KIF6: variants seen among roughly 807,000 people sequenced by gnomAD.
KIF6 encodes the protein kinesin family member 6.
Under a neutral mutation model 112.7 loss-of-function variants are expected in KIF6, and 106 were observed. The observed-to-expected ratio is 0.94, with a 90% confidence interval of 0.80 to 1.11. The LOEUF (loss-of-function observed/expected upper bound fraction) is 1.11. Among genes scored for constraint, KIF6 ranks in the 50% least tolerant of loss-of-function variants. KIF6 has a pLI of 0.00. For synonymous variants in KIF6, 339 were observed against 339.9 expected, an observed-to-expected ratio of 1.00 and a Z score of 0.03; for missense variants, 929 against 964.0, an observed-to-expected ratio of 0.96 and a Z score of 0.48.
At chr6:39,531,478 C>A (rs1424379419) in intron 13 of KIF6, among the ~76,000 whole-genome samples, 1 of 152,106 alleles carries the variant, frequency 6.6e-6, no homozygotes, top group Non-Finnish European at 1.5e-5. Flanking sequence ...ATATCTGAGG[C>A]CATTTCTGCA....
intron 15 of KIF6, among the ~76,000 whole-genome samples, chr6:39,419,316 T>C (rs1475081756): frequency 1.6e-5 from 2 of 127,686 alleles, no homozygotes; most frequent in African/African-American, 5.9e-5. Context: ...ATCACGCCAC[T>C]GCACTCCAGC....
At chr6:39,519,795 G>C (rs1777282306) in intron 13 of KIF6, among the ~76,000 whole-genome samples, 1 of 152,040 alleles carries the variant, frequency 6.6e-6, no homozygotes, top group Admixed American at 6.5e-5. Context: ...GCCAAGGCGG[G>C]TGGATCACCT....
chr6:39,377,612 G>A (rs1766554955), intron 16 of KIF6, among the ~76,000 whole-genome samples: 1 of 152,206 alleles, frequency 6.6e-6, no homozygotes, highest in Admixed American at 6.5e-5. Context: ...GCCGAGGCCT[G>A]TCTTTGAAGA....
At chr6:39,353,719 G>A in intron 19 of KIF6, 1 of 204,118 alleles carries the variant, frequency 4.9e-6, no homozygotes, top group Non-Finnish European at 1.0e-5. Context: ...ACCAGAATGT[G>A]AGGCAGTGAG....
chr6:39,516,153 G>A (rs1490693074), intron 13 of KIF6, among the ~76,000 whole-genome samples: 1 of 152,038 alleles, frequency 6.6e-6, no homozygotes, highest in African/African-American at 2.4e-5. Flanking sequence ...TAAGAGATAT[G>A]CAACCTGTGT....
At chr6:39,430,933 C>T in intron 14 of KIF6, 120 bp downstream of exon 14, 1 of 593,954 alleles carries the variant, frequency 1.7e-6, no homozygotes, top group Non-Finnish European at 3.0e-6. Flanking sequence ...ACTGAATAAA[C>T]ATTATGCTTT....
intron 14 of KIF6, among the ~76,000 whole-genome samples, chr6:39,423,546 C>T (rs1228858048): frequency 6.6e-6 from 1 of 152,038 alleles, no homozygotes; most frequent in African/African-American, 2.4e-5. Flanking sequence ...CAAATCTCCA[C>T]CTCAGCCCTG....
At chr6:39,652,677 A>T (rs993958055) in intron 3 of KIF6, among the ~76,000 whole-genome samples, 1 of 152,184 alleles carries the variant, frequency 6.6e-6, no homozygotes, top group Non-Finnish European at 1.5e-5. Flanking sequence ...TCTTTTAGAC[A>T]TATTCTTCCT....
In KIF6 at chr6:39,596,219, G is replaced by A; in HGVS notation, c.681C>T (p.Phe227=). 2 of 1,613,994 alleles carry A rather than the reference G, an allele frequency of 1.2e-6. No individual in the cohort carries two copies. Among genetic ancestry groups the A allele is most frequent in the African/African-American group, 1.3e-5 (1 of 75,024 alleles). The change falls in exon 7 of 23, where the codon TTC becomes TTT. Residue 227 remains phenylalanine (F), a synonymous_variant. Transcript: ENST00000287152. ...NQASTRSHCI[F]TIHLSSKEPG... ...GTTCCTTGCTTGACAAATGAATGGT[G>A]AAAATGCAGTGGGAACGGGTTGAAG...
intron 13 of KIF6, among the ~76,000 whole-genome samples, chr6:39,485,856 G>A (rs1451978817): frequency 6.6e-6 from 1 of 152,188 alleles, no homozygotes; most frequent in Non-Finnish European, 1.5e-5. Context: ...AGCTCCGAGT[G>A]CTTTATCCTT....
intron 20 of KIF6, among the ~76,000 whole-genome samples, chr6:39,346,140 T>G (rs1396568142): frequency 8.7e-6 from 1 of 114,626 alleles, no homozygotes; most frequent in Admixed American, 1.1e-4. Flanking sequence ...TCCCTCTCTC[T>G]CTCTCTCTCT....
intron 15 of KIF6, among the ~76,000 whole-genome samples, chr6:39,395,509 G>T (rs992689148): frequency 1.3e-5 from 2 of 152,236 alleles, no homozygotes; most frequent in East Asian, 3.9e-4. Context: ...CAGCAAAGGG[G>T]GATATAACCA....
intron 12 of KIF6, 24 bp downstream of exon 12, chr6:39,544,531 T>C: frequency 6.2e-7 from 1 of 1,604,486 alleles, no homozygotes; most frequent in East Asian, 2.2e-5. Flanking sequence ...AGAGGAAGTT[T>C]CTTCATCACT....
intron 13 of KIF6, among the ~76,000 whole-genome samples, chr6:39,517,782 T>C (rs1582031909): frequency 6.6e-6 from 1 of 152,344 alleles, no homozygotes; most frequent in Middle Eastern, 3.4e-3. Context: ...ATATTGAAAC[T>C]AATATAATCA....
chr6:39,517,910 C>T (rs780882722), intron 13 of KIF6, among the ~76,000 whole-genome samples: 1 of 152,106 alleles, frequency 6.6e-6, no homozygotes, highest in Admixed American at 6.6e-5. Flanking sequence ...CACAAAAAAA[C>T]CACATTAGGC....
intron 6 of KIF6, among the ~76,000 whole-genome samples, chr6:39,608,148 A>G (rs1171320599): frequency 6.6e-6 from 1 of 152,198 alleles, no homozygotes; most frequent in Non-Finnish European, 1.5e-5. Context: ...ACTTACTCCA[A>G]AAGTTTGCTA....
At chr6:39,604,776 G>A (rs1782793240) in intron 6 of KIF6, among the ~76,000 whole-genome samples, 1 of 152,084 alleles carries the variant, frequency 6.6e-6, no homozygotes, top group African/African-American at 2.4e-5. Flanking sequence ...GGTCTAGTAT[G>A]TTTTATTGTG....
intron 22 of KIF6, among the ~76,000 whole-genome samples, chr6:39,339,326 A>G (rs1763197179): frequency 6.6e-6 from 1 of 152,164 alleles, no homozygotes; most frequent in African/African-American, 2.4e-5. Context: ...GAATCTGTAC[A>G]TGACAGACAG....
At chr6:39,364,096 CTTT>C (rs56902405) in intron 16 of KIF6, among the ~76,000 whole-genome samples, 1 of 145,444 alleles carries the variant, frequency 6.9e-6, no homozygotes. Context: ...GTGTCTGGAA[CTTT>C]TTTTTTTTTT....
Sources: allele counts gnomAD v4.1 joint callset (sites outside exome capture counted in the v4.1 genomes callset), GRCh38; gene constraint gnomAD v4.1.1; transcripts MANE v1.5; gene names NCBI Gene and HGNC (gene_info 2026-07-23, HGNC 2026-07-21).